GSTA5: variants seen among roughly 807,000 people sequenced by gnomAD.
The protein encoded by GSTA5 is glutathione S-transferase alpha 5.
A neutral mutation model predicts 21.8 loss-of-function variants in GSTA5; 25 were observed. That is an observed-to-expected ratio of 1.14 (90% CI 0.83 to 1.60). The LOEUF (loss-of-function observed/expected upper bound fraction) is 1.60, where lower values mean the gene tolerates loss of function less well. Ranked by LOEUF, GSTA5 falls within the 40% of genes most tolerant of loss-of-function variation. The pLI is 0.00. For synonymous variants in GSTA5, 102 were observed against 89.5 expected, an observed-to-expected ratio of 1.14 and a Z score of -0.78; for missense variants, 330 against 259.2, an observed-to-expected ratio of 1.27 and a Z score of -1.88.
At chr6:52,836,352 G>A in exon 3 of GSTA5, 1 of 1,612,778 alleles carries the variant, frequency 6.2e-7, no homozygotes, top group South Asian at 1.1e-5. Flanking sequence ...GTACTTGCTG[G>A]AACAGCAAAC....
chr6:52,832,631 A>G (rs534165615), intron 5 of GSTA5, among the ~76,000 whole-genome samples: 1 of 152,308 alleles, frequency 6.6e-6, no homozygotes, highest in African/African-American at 2.4e-5. Context: ...TTTCCATGAT[A>G]AAAGGCAAAA....
At chr6:52,834,186 C>A (rs1438719749) in exon 4 of GSTA5, 2 of 1,613,984 alleles carry the variant, frequency 1.2e-6, no homozygotes, top group Admixed American at 3.3e-5. Flanking sequence ...TCTCTTTGAC[C>A]AAGGCAGTCT....
intron 5 of GSTA5, 51 bp downstream of exon 5, chr6:52,832,808 T>C: frequency 2.5e-6 from 4 of 1,611,354 alleles, no homozygotes; most frequent in Non-Finnish European, 3.4e-6. Flanking sequence ...AGATATGAGA[T>C]CCCAATATAA....
upstream of GSTA5, among the ~76,000 whole-genome samples, chr6:52,841,439 C>G (rs934728215): frequency 1.3e-5 from 2 of 152,224 alleles, no homozygotes; most frequent in African/African-American, 4.8e-5. Flanking sequence ...GGAGCTAAGT[C>G]ACTCTTCAGC....
At chr6:52,836,578 C>T (rs1280388716) in intron 2 of GSTA5, among the ~76,000 whole-genome samples, 1 of 152,236 alleles carries the variant, frequency 6.6e-6, no homozygotes, top group African/African-American at 2.4e-5. Flanking sequence ...GTGGGACGAT[C>T]TCAGCTCACT....
At chr6:52,839,329 C>T (rs1261584752) in intron 1 of GSTA5, among the ~76,000 whole-genome samples, 1 of 152,124 alleles carries the variant, frequency 6.6e-6, no homozygotes, top group Non-Finnish European at 1.5e-5. Context: ...CCCTCCCTCC[C>T]TCCTGCTGAA....
rs182588543 is a variant in GSTA5, at chr6:52,840,388, A to C, written c.87+339T>G. Among the ~76,000 whole-genome samples, 33 of 152,376 alleles carry C rather than the reference A, an allele frequency of 2.2e-4. No individual in the cohort carries two copies. The East Asian group carries it at 4.6e-3, about 21-fold the overall frequency. ...AGATAACCATAGTACATTATCACAC[A>C]TGAAATATTAACAATAATTATTTCA... On this transcript the variant is annotated intron_variant, in intron 1 of 5. Coordinates refer to ENST00000370989, the Ensembl canonical transcript of GSTA5.
chr6:52,834,914 G>A (rs924564337), intron 3 of GSTA5, among the ~76,000 whole-genome samples: 14 of 152,120 alleles, frequency 9.2e-5, no homozygotes, highest in African/African-American at 2.4e-4. Context: ...CCCCTTCCCC[G>A]GTGAAATTCT....
At chr6:52,831,820 C>T (rs745337214) in exon 6 of GSTA5, 33 of 1,613,116 alleles carry the variant, frequency 2.0e-5, no homozygotes, top group South Asian at 1.4e-4. Context: ...ATTGGTCTGG[C>T]ATGTTCTTGG....
At chr6:52,837,159 C>G (rs1764304671) in intron 2 of GSTA5, among the ~76,000 whole-genome samples, 1 of 152,188 alleles carries the variant, frequency 6.6e-6, no homozygotes. Context: ...CACGCCCCCC[C>G]ATGAAAGAAA....
At chr6:52,841,057 G>T (rs1764367675), upstream of GSTA5, among the ~76,000 whole-genome samples, 1 of 152,138 alleles carries the variant, frequency 6.6e-6, no homozygotes, top group African/African-American at 2.4e-5. Flanking sequence ...GACTTTTCTT[G>T]GCAGCCTAAG....
chr6:52,833,410 C>G (rs1764245468), intron 4 of GSTA5, among the ~76,000 whole-genome samples: 1 of 152,186 alleles, frequency 6.6e-6, no homozygotes, highest in African/African-American at 2.4e-5. Flanking sequence ...CATGACAACA[C>G]TTTTCCCCTA....
At chr6:52,835,053 A>G (rs1764273263) in intron 3 of GSTA5, among the ~76,000 whole-genome samples, 1 of 152,246 alleles carries the variant, frequency 6.6e-6, no homozygotes, top group South Asian at 2.1e-4. Context: ...AAATTACACT[A>G]TTGAGTGGTT....
Position 52,832,940 on chromosome 6 carries a change from C to T in GSTA5, c.465G>A (p.Trp155Ter). 6.2e-7 allele frequency: 1 copy of T among 1,614,120 alleles called. No homozygotes were observed. Among genetic ancestry groups the T allele is most frequent in the Non-Finnish European group, 8.5e-7 (1 of 1,180,004 alleles). Residue 155 changes from tryptophan (W) to a stop codon, truncating the protein, a stop_gained, in exon 5 of 6, where the codon TGG (tryptophan) becomes TGA (stop). Transcript: ENST00000370989. LOFTEE classifies it high-confidence loss of function. ...AAAGTTCCACCAGGTGAATGTCAGC[C>T]CAGCTCAGCTTGTTGCCAACAAGGT...
At position 52,840,756 on chromosome 6, in the gene GSTA5, G is replaced by A. The variant is rs777093478; in HGVS notation, c.58C>T (p.Arg20Trp). The A allele has an allele frequency of 3.1e-6, 5 of 1,613,938 alleles. No individual in the cohort carries two copies. Among genetic ancestry groups the A allele is most frequent in the Middle Eastern group, 3.3e-4 (2 of 6,084 alleles). ...ACTCCAGCTGCAGCCAGGAGCCACCGAATGGACTCCATACTGCCCCGTGCA... is the reference window on the plus strand; with the variant it reads ...ACTCCAGCTGCAGCCAGGAGCCACCAAATGGACTCCATACTGCCCCGTGCA... The change falls in exon 1 of 6, where the codon CGG (arginine) becomes TGG (tryptophan). Residue 20 changes from arginine to tryptophan, a missense_variant. Coordinates refer to ENST00000370989, the Ensembl canonical transcript of GSTA5.
rs754648961 is a variant in GSTA5 at position 52,840,705 on chromosome 6, G to T, written c.87+22C>A. ...TAACGCAATTTTAAATCCAACTTAAGATGACCTTACTCAGAACCTACCTCT... is the reference window on the plus strand; with the variant it reads ...TAACGCAATTTTAAATCCAACTTAATATGACCTTACTCAGAACCTACCTCT... On this transcript the variant is annotated intron_variant, in intron 1 of 5. Transcript: ENST00000370989. 2.7e-5 allele frequency: 43 copies of T among 1,604,778 alleles called. No homozygotes were observed. In the East Asian group the frequency reaches 4.5e-4, roughly 17 times the overall value.
At chr6:52,843,677 CT>C (rs1215361445), upstream of GSTA5, among the ~76,000 whole-genome samples, 1 of 152,156 alleles carries the variant, frequency 6.6e-6, no homozygotes, top group African/African-American at 2.4e-5. Flanking sequence ...TGATGTTGTA[CT>C]TTCCTAACTT....
upstream of GSTA5, among the ~76,000 whole-genome samples, chr6:52,842,611 G>A (rs1764394378): frequency 6.6e-6 from 1 of 151,884 alleles, no homozygotes; most frequent in African/African-American, 2.4e-5. Context: ...CAGCATGTTG[G>A]CCAGGCTGGT....
intron 4 of GSTA5, 118 bp from the exon 5 acceptor site, chr6:52,833,108 C>A: frequency 9.0e-7 from 1 of 1,113,554 alleles, no homozygotes; most frequent in Non-Finnish European, 1.3e-6. Flanking sequence ...TGCATGGGTG[C>A]AGAAATCCCA....
Sources: allele counts gnomAD v4.1 joint callset (sites outside exome capture counted in the v4.1 genomes callset), GRCh38; gene constraint gnomAD v4.1.1; transcripts MANE v1.5; gene names NCBI Gene and HGNC (gene_info 2026-07-23, HGNC 2026-07-21).